HEPH: variants seen among roughly 807,000 people sequenced by gnomAD.
HEPH encodes the protein hephaestin.
A neutral mutation model predicts 80.8 loss-of-function variants in HEPH; 69 were observed. The observed-to-expected ratio is 0.85, with a 90% CI of 0.70 to 1.04. The LOEUF is 1.04. HEPH is among the 50% of genes least tolerant of loss of function. HEPH has a pLI of 0.00. For synonymous variants in HEPH, 431 were observed against 322.8 expected (o/e 1.34, Z -3.60); for missense variants, 1,115 against 891.3 (o/e 1.25, Z -3.20).
chrX:66,208,631 C>CATT (rs2088936420), intron 15 of HEPH, among the ~76,000 whole-genome samples: 3 of 35,102 alleles, frequency 8.5e-5, no homozygotes, highest in African/African-American at 2.1e-4. Context: ...TATATACATA[C>CATT]ATATATATAT....
intron 15 of HEPH, among the ~76,000 whole-genome samples, chrX:66,224,611 G>A (rs886117543): frequency 8.9e-6 from 1 of 112,046 alleles, no homozygotes; most frequent in African/African-American, 3.2e-5. Flanking sequence ...TAGATTGAAT[G>A]CATTTGGGCC....
intron 16 of HEPH, among the ~76,000 whole-genome samples, chrX:66,255,670 C>A (rs2091156336): frequency 9.0e-6 from 1 of 111,448 alleles, no homozygotes; most frequent in South Asian, 3.8e-4. Context: ...CATTTCCCAC[C>A]TTCAAAGAGT....
intron 15 of HEPH, among the ~76,000 whole-genome samples, chrX:66,242,193 A>G (rs995138601): frequency 9.0e-6 from 1 of 111,115 alleles, no homozygotes; most frequent in African/African-American, 3.3e-5. Context: ...ATAACAGGTT[A>G]GAGAATGAAG....
intron 11 of HEPH, among the ~76,000 whole-genome samples, chrX:66,200,153 A>C (rs1429662045): frequency 1.8e-5 from 2 of 109,971 alleles, no homozygotes; most frequent in Non-Finnish European, 3.8e-5. Context: ...GAAAAGGAAC[A>C]ATCAGAGTGG....
At chrX:66,213,100 T>C (rs1421137849) in intron 15 of HEPH, among the ~76,000 whole-genome samples, 2 of 109,801 alleles carry the variant, frequency 1.8e-5, no homozygotes, top group Non-Finnish European at 3.8e-5. Flanking sequence ...TAGTTACATA[T>C]GTATACATGT....
chrX:66,266,376 T>C, intron 20 of HEPH, 64 bp from the exon 21 acceptor site: 4 of 879,620 alleles, frequency 4.5e-6, no homozygotes, highest in Non-Finnish European at 6.6e-6. Context: ...GTGATGACTA[T>C]AGATAGTTAC....
chrX:66,198,461 G>A (rs1344729714), intron 10 of HEPH, among the ~76,000 whole-genome samples: 1 of 111,658 alleles, frequency 9.0e-6, no homozygotes, highest in Non-Finnish European at 1.9e-5. Context: ...TAAGCACTCA[G>A]TAAATGTTAG....
intron 15 of HEPH, among the ~76,000 whole-genome samples, chrX:66,215,624 G>A (rs1490716721): frequency 8.9e-6 from 1 of 111,902 alleles, no homozygotes; most frequent in African/African-American, 3.3e-5. Context: ...GAAAATGGTG[G>A]ATAGGAAGAC....
At chrX:66,262,269 T>A (rs5919024) in intron 19 of HEPH, among the ~76,000 whole-genome samples, 1 of 110,779 alleles carries the variant, frequency 9.0e-6, no homozygotes, top group South Asian at 3.9e-4. Flanking sequence ...ACATGAAAGA[T>A]TAGTGCAAGA....
At chrX:66,251,135 G>T (rs181706789) in intron 15 of HEPH, among the ~76,000 whole-genome samples, 1 of 112,248 alleles carries the variant, frequency 8.9e-6, no homozygotes, top group Non-Finnish European at 1.9e-5. Flanking sequence ...CACCCACTGT[G>T]GCCTCCCAGT....
intron 15 of HEPH, among the ~76,000 whole-genome samples, chrX:66,217,735 C>A (rs942108911): frequency 3.9e-4 from 43 of 111,522 alleles, no homozygotes; most frequent in African/African-American, 1.4e-3. Flanking sequence ...TTAAAAGATA[C>A]AGAATAGCAG....
rs139915965 is a variant in HEPH, at chrX:66,173,263, G to A, written c.413-326G>A. On this transcript the variant is annotated intron_variant, in intron 3 of 20. Transcript: ENST00000343002. The stretch of plus-strand genomic sequence containing the variant: ...ATTTTAAGTGAGTGTTTGAAGGGAG[G>A]GAATTCTGTCTTCTTGCTTCTATGC... Among the ~76,000 whole-genome samples the A allele has an allele frequency of 3.3e-3, 365 of 111,965 alleles. 4 individuals carry two copies. Among genetic ancestry groups the A allele is most frequent in the African/African-American group, 0.011 (346 of 30,828 alleles).
At chrX:66,206,941 C>T (rs914787745) in intron 13 of HEPH, among the ~76,000 whole-genome samples, 10 of 109,732 alleles carry the variant, frequency 9.1e-5, no homozygotes, top group East Asian at 5.8e-4. Flanking sequence ...CGCTTGAACT[C>T]GGAAGGCGGA....
At chrX:66,174,050 G>T (rs1379883418) in intron 4 of HEPH, among the ~76,000 whole-genome samples, 1 of 109,722 alleles carries the variant, frequency 9.1e-6, no homozygotes, top group Non-Finnish European at 1.9e-5. Flanking sequence ...GGTACAGGTG[G>T]TATTTGGTTA....
At chrX:66,231,110 G>T (rs1209071754) in intron 15 of HEPH, among the ~76,000 whole-genome samples, 3 of 109,412 alleles carry the variant, frequency 2.7e-5, no homozygotes, top group Non-Finnish European at 5.7e-5. Flanking sequence ...CATTTCTGAG[G>T]GCTCTGTTCT....
In HEPH at chrX:66,188,370, G is replaced by A; in HGVS notation, c.637G>A (p.Gly213Arg). Residue 213 changes from glycine to arginine, a missense_variant, in exon 5 of 21, where the codon GGG (glycine) becomes AGG (arginine). Physicochemically the swap from Gly to Arg is moderately radical, Grantham distance 125 (BLOSUM62 -2). Around this residue, in one of 3 missense-constraint regions of HEPH, gnomAD observed 391 missense variants for 343.6 expected, o/e 1.14. Transcript: ENST00000343002. ...LITCKRGALD[G>R]NSPPQRQDVD... ...CTTACTTGCCCTAGGAGCCCTGGATGGGAACTCCCCTCCTCAACGCCAGGA... is the reference window on the plus strand; with the variant it reads ...CTTACTTGCCCTAGGAGCCCTGGATAGGAACTCCCCTCCTCAACGCCAGGA... 1 of 1,187,665 alleles carries A rather than the reference G, an allele frequency of 8.4e-7. No homozygotes were observed. Among genetic ancestry groups the A allele is most frequent in the Non-Finnish European group, 1.1e-6 (1 of 882,880 alleles).
intron 9 of HEPH, among the ~76,000 whole-genome samples, chrX:66,195,574 G>A (rs527712630): frequency 9.0e-6 from 1 of 110,989 alleles, no homozygotes; most frequent in South Asian, 3.8e-4. Flanking sequence ...TCTATATATA[G>A]AGATATGTGA....
chrX:66,216,090 C>T (rs1240839760), intron 15 of HEPH, among the ~76,000 whole-genome samples: 1 of 111,105 alleles, frequency 9.0e-6, no homozygotes, highest in Non-Finnish European at 1.9e-5. Context: ...AGTTCAGGCA[C>T]ACCTAATTCT....
intron 15 of HEPH, among the ~76,000 whole-genome samples, chrX:66,211,565 C>T (rs1211783155): frequency 9.0e-6 from 1 of 111,407 alleles, no homozygotes; most frequent in Non-Finnish European, 1.9e-5. Context: ...TTTTTTAGCT[C>T]CTGCATATAA....
Sources: allele counts gnomAD v4.1 joint callset (sites outside exome capture counted in the v4.1 genomes callset), GRCh38; gene constraint gnomAD v4.1.1; regional missense constraint gnomAD v4.1.1; transcripts MANE v1.5; gene names NCBI Gene and HGNC (gene_info 2026-07-23, HGNC 2026-07-21).